The following CACNB4 variants were observed in gnomAD, a reference collection of about 807,000 sequenced individuals.
CACNB4 encodes the protein voltage-dependent L-type calcium channel subunit beta-4.
In CACNB4, 32 loss-of-function variants were observed where a neutral mutation model predicts 71.2. The ratio of observed to expected loss-of-function variants is 0.45; its 90% CI spans 0.34 to 0.60. The LOEUF (loss-of-function observed/expected upper bound fraction) is 0.60. Among genes scored for constraint, CACNB4 ranks in the 20% least tolerant of loss-of-function variants. The probability of loss-of-function intolerance (pLI) is 0.01; values close to 1 mark genes in which losing one functional copy is unlikely to be tolerated. For synonymous variants in CACNB4, 231 were observed against 236.9 expected (o/e 0.97, Z 0.23); for missense variants, 464 against 647.9 (o/e 0.72, Z 3.08).
intron 4 of CACNB4, among the ~76,000 whole-genome samples, chr2:151,878,708 T>C (rs1295083259): frequency 6.6e-6 from 1 of 152,192 alleles, no homozygotes; most frequent in African/African-American, 2.4e-5. Context: ...ACTAATTACC[T>C]AGTGTACTAC....
chr2:151,978,885 T>C (rs1303858491), intron 2 of CACNB4, among the ~76,000 whole-genome samples: 1 of 152,130 alleles, frequency 6.6e-6, no homozygotes, highest in African/African-American at 2.4e-5. Context: ...ACCTGCTCTA[T>C]CTGGCCAGGC....
chr2:151,932,723 AGGAG>A (rs1387523368), intron 2 of CACNB4, among the ~76,000 whole-genome samples: 1 of 150,120 alleles, frequency 6.7e-6, no homozygotes, highest in Non-Finnish European at 1.5e-5. Flanking sequence ...TCAGCCACTT[AGGAG>A]GCTGAGGCAC....
intron 2 of CACNB4, among the ~76,000 whole-genome samples, chr2:151,964,147 T>C (rs1179577166): frequency 6.6e-6 from 1 of 151,354 alleles, no homozygotes; most frequent in Admixed American, 6.6e-5. Context: ...AGTCTAAATC[T>C]CTATCAGTGG....
intron 2 of CACNB4, among the ~76,000 whole-genome samples, chr2:151,976,569 C>T (rs1395587296): frequency 6.6e-6 from 1 of 152,104 alleles, no homozygotes; most frequent in African/African-American, 2.4e-5. Context: ...GAGTCTTCCC[C>T]TAGGGTCTGG....
At chr2:152,004,869 C>T (rs73967731) in intron 2 of CACNB4, among the ~76,000 whole-genome samples, 21,185 of 152,114 alleles carry the variant, frequency 0.14, 1,678 homozygotes, top group East Asian at 0.26. Flanking sequence ...AGAGCCACAG[C>T]GGCGTTTCTT....
intron 2 of CACNB4, among the ~76,000 whole-genome samples, chr2:151,939,398 G>T (rs75545402): frequency 1.3e-5 from 2 of 152,190 alleles, no homozygotes; most frequent in Non-Finnish European, 2.9e-5. Context: ...CAGGAGGAGT[G>T]GAGGTGAAAC....
intron 2 of CACNB4, among the ~76,000 whole-genome samples, chr2:151,994,395 C>T (rs1005556396): frequency 7.9e-5 from 12 of 151,942 alleles, no homozygotes; most frequent in Admixed American, 3.9e-4. Flanking sequence ...TTAGTAGAGA[C>T]GGGGTTTCAG....
intron 2 of CACNB4, among the ~76,000 whole-genome samples, chr2:152,021,706 G>A (rs1390115163): frequency 1.3e-5 from 2 of 152,146 alleles, no homozygotes; most frequent in Non-Finnish European, 2.9e-5. Flanking sequence ...ATTAGATTTA[G>A]ACTTCACAGA....
intron 8 of CACNB4, chr2:151,870,169 G>T (rs541242482): frequency 1.5e-6 from 1 of 647,070 alleles, no homozygotes; most frequent in African/African-American, 1.8e-5. Flanking sequence ...AAGATTGATT[G>T]TTTGTCCTCT....
intron 2 of CACNB4, among the ~76,000 whole-genome samples, chr2:151,894,871 A>G (rs1578681039): frequency 6.6e-6 from 1 of 152,046 alleles, no homozygotes; most frequent in Non-Finnish European, 1.5e-5. Flanking sequence ...GAGGTGAAAG[A>G]CCTTTACAAC....
At chr2:151,984,775 A>G (rs541247707) in intron 2 of CACNB4, among the ~76,000 whole-genome samples, 1 of 152,300 alleles carries the variant, frequency 6.6e-6, no homozygotes, top group East Asian at 1.9e-4. Flanking sequence ...AGAATGAAAT[A>G]TATTTTTCAT....
intron 2 of CACNB4, among the ~76,000 whole-genome samples, chr2:152,017,130 C>A (rs1683389969): frequency 6.7e-6 from 1 of 149,632 alleles, no homozygotes; most frequent in Non-Finnish European, 1.5e-5. Context: ...GGCACAGCAC[C>A]CACTCCAATA....
intron 2 of CACNB4, among the ~76,000 whole-genome samples, chr2:151,904,953 TGA>T (rs774181484): frequency 5.3e-5 from 8 of 152,220 alleles, no homozygotes; most frequent in Admixed American, 1.3e-4. Flanking sequence ...TATTGGGCAG[TGA>T]AACATTCTGA....
chr2:151,905,005 C>T (rs935850176), intron 2 of CACNB4, among the ~76,000 whole-genome samples: 2 of 152,118 alleles, frequency 1.3e-5, no homozygotes, highest in Admixed American at 1.3e-4. Flanking sequence ...AACTAGAATG[C>T]TATCATTTCC....
intron 12 of CACNB4, chr2:151,851,918 A>G (rs1316168967): frequency 6.6e-6 from 1 of 152,186 alleles, no homozygotes; most frequent in Admixed American, 6.6e-5. Context: ...TGGGCAATAC[A>G]TTCCTCTGTC....
At chr2:151,901,417 G>A (rs1169879458) in intron 2 of CACNB4, among the ~76,000 whole-genome samples, 1 of 152,036 alleles carries the variant, frequency 6.6e-6, no homozygotes, top group African/African-American at 2.4e-5. Flanking sequence ...GAGGTGGGGA[G>A]GTTTTTAAAT....
At chr2:151,882,181 C>CAT (rs2099848064) in intron 3 of CACNB4, among the ~76,000 whole-genome samples, 1 of 50,794 alleles carries the variant, frequency 2.0e-5, no homozygotes, top group Non-Finnish European at 3.8e-5. Context: ...ACCGGCCCCT[C>CAT]TTTTTTTTTT....
At chr2:151,908,581 T>C (rs2099855372) in intron 2 of CACNB4, among the ~76,000 whole-genome samples, 1 of 151,954 alleles carries the variant, frequency 6.6e-6, no homozygotes, top group South Asian at 2.1e-4. Context: ...GATGAAAGAG[T>C]TATGAAAGTC....
At chr2:152,022,679 A>G (rs556307943) in intron 2 of CACNB4, among the ~76,000 whole-genome samples, 4 of 152,186 alleles carry the variant, frequency 2.6e-5, no homozygotes, top group Non-Finnish European at 5.9e-5. Context: ...ATGCATGTTT[A>G]CCTCCTACAC....
Sources: allele counts gnomAD v4.1 joint callset (sites outside exome capture counted in the v4.1 genomes callset), GRCh38; gene constraint gnomAD v4.1.1; transcripts MANE v1.5; gene names NCBI Gene and HGNC (gene_info 2026-07-23, HGNC 2026-07-21).